RPS6KA5: variants seen among roughly 807,000 people sequenced by gnomAD.
The protein encoded by RPS6KA5 is ribosomal protein S6 kinase A5.
In RPS6KA5, 27 loss-of-function variants were observed where a neutral mutation model predicts 85.5. That is an observed-to-expected ratio of 0.32 (90% CI 0.23 to 0.44). The LOEUF (loss-of-function observed/expected upper bound fraction) is 0.44. Among genes scored for constraint, RPS6KA5 ranks in the 20% least tolerant of loss-of-function variants. The pLI is 1.00. For synonymous variants in RPS6KA5, 334 were observed against 348.2 expected, an observed-to-expected ratio of 0.96 and a Z score of 0.46; for missense variants, 811 against 980.9, an observed-to-expected ratio of 0.83 and a Z score of 2.31.
chr14:90,983,823 C>CTG (rs1370649906), intron 2 of RPS6KA5, among the ~76,000 whole-genome samples: 1 of 138,148 alleles, frequency 7.2e-6, no homozygotes. Flanking sequence ...CTCTGTCTCT[C>CTG]TCTCTCTCTC....
rs576519651 is a variant in RPS6KA5, at chr14:90,884,116, T to C, written c.1836+6371A>G. Among the ~76,000 whole-genome samples the C allele has an allele frequency of 4.6e-5, 7 of 152,312 alleles. No individual in the cohort carries two copies. The South Asian group carries it at 1.2e-3, about 27-fold the overall frequency. Reference sequence around the variant, plus strand: ...GACCACTGCCCTCTTTGCACCTCTATAGTGAGAAGCAGCAATTATAGCAAT... The same window carrying C: ...GACCACTGCCCTCTTTGCACCTCTACAGTGAGAAGCAGCAATTATAGCAAT... On this transcript the variant is annotated intron_variant, in intron 14 of 16. Coordinates refer to ENST00000614987, the MANE Select transcript of RPS6KA5 (RefSeq NM_004755.4).
At chr14:90,930,008 C>CT (rs1273467585) in intron 5 of RPS6KA5, among the ~76,000 whole-genome samples, 1 of 152,094 alleles carries the variant, frequency 6.6e-6, no homozygotes, top group East Asian at 1.9e-4. Context: ...GCAGCTGGGA[C>CT]TAAAGGCATG....
chr14:90,894,107 C>G, intron 13 of RPS6KA5: 1 of 1,006,230 alleles, frequency 9.9e-7, no homozygotes, highest in Non-Finnish European at 1.2e-6. Context: ...TTATTTTCTG[C>G]TATAAAAATT....
At chr14:91,055,294 G>T (rs75749557) in intron 1 of RPS6KA5, among the ~76,000 whole-genome samples, 2,246 of 152,248 alleles carry the variant, frequency 0.015, 56 homozygotes, top group African/African-American at 0.051. Flanking sequence ...ATACCCAAGA[G>T]AAATAAACAT....
In RPS6KA5 at chr14:91,059,894, A is replaced by AC. The variant is rs527296813; in HGVS notation, c.103+437dup. On this transcript the variant is annotated intron_variant, in intron 1 of 16. Coordinates refer to ENST00000614987, the MANE Select transcript of RPS6KA5 (RefSeq NM_004755.4). Reference sequence around the variant, plus strand: ...GATGGCTCCACAGAGCCCCACCGGGACCCCCCATCGCGGGGACCAGAGGGG... The same window carrying AC: ...GATGGCTCCACAGAGCCCCACCGGGACCCCCCCATCGCGGGGACCAGAGGGG... 1.7e-3 allele frequency: 581 copies of AC among 334,242 alleles called. 3 individuals are homozygous for AC. The highest frequency in any genetic ancestry group is 0.012 in the African/African-American group (532 of 44,786). The allele number at this position is 334,242 out of a possible 1,614,324, so 20.7% of individuals were successfully genotyped here. A position where few individuals can be genotyped will look rare whatever the true frequency, so the allele number is the denominator to read the frequency against.
At chr14:90,969,799 T>C (rs577613811) in intron 3 of RPS6KA5, among the ~76,000 whole-genome samples, 117 of 152,308 alleles carry the variant, frequency 7.7e-4, no homozygotes, top group Admixed American at 3.3e-3. Flanking sequence ...GGTGGCACCT[T>C]CCAAAGAGCT....
intron 5 of RPS6KA5, among the ~76,000 whole-genome samples, chr14:90,935,162 A>G (rs924423216): frequency 6.6e-6 from 1 of 152,220 alleles, no homozygotes; most frequent in African/African-American, 2.4e-5. Flanking sequence ...CTGATTCTCA[A>G]TGCAAACACG....
intron 3 of RPS6KA5, among the ~76,000 whole-genome samples, chr14:90,957,561 C>T (rs1189525679): frequency 1.3e-5 from 2 of 152,180 alleles, no homozygotes; most frequent in Admixed American, 6.5e-5. Context: ...GCTGGTATTA[C>T]ACCCAGCTGT....
At chr14:90,977,459 A>G (rs2039616084) in intron 3 of RPS6KA5, among the ~76,000 whole-genome samples, 1 of 152,228 alleles carries the variant, frequency 6.6e-6, no homozygotes, top group South Asian at 2.1e-4. Flanking sequence ...TGAGAAAGGA[A>G]TGGATTCAGA....
chr14:90,877,674 A>C (rs2140150061), intron 14 of RPS6KA5, among the ~76,000 whole-genome samples: 1 of 152,026 alleles, frequency 6.6e-6, no homozygotes, highest in East Asian at 1.9e-4. Context: ...GGGACTTTCC[A>C]CATGCTGTTT....
At chr14:90,882,350 A>G (rs2033897908) in intron 14 of RPS6KA5, among the ~76,000 whole-genome samples, 2 of 152,258 alleles carry the variant, frequency 1.3e-5, no homozygotes, top group Non-Finnish European at 2.9e-5. Context: ...CAAACCGATA[A>G]TTCTTTTAAA....
chr14:91,001,228 T>C (rs1464383713), intron 1 of RPS6KA5, 69 bp from the exon 2 acceptor site: 6 of 920,288 alleles, frequency 6.5e-6, no homozygotes, highest in African/African-American at 3.4e-5. Context: ...GGGGGATTCT[T>C]GTGTACCAGC....
chr14:91,021,045 T>C (rs543102222), intron 1 of RPS6KA5, among the ~76,000 whole-genome samples: 1 of 152,246 alleles, frequency 6.6e-6, no homozygotes, highest in African/African-American at 2.4e-5. Flanking sequence ...GTCCAGTTTA[T>C]CCACTGTATA....
chr14:90,917,372 T>G (rs547101376), intron 7 of RPS6KA5, among the ~76,000 whole-genome samples: 2 of 152,218 alleles, frequency 1.3e-5, no homozygotes, highest in Admixed American at 6.5e-5. Flanking sequence ...TGAAGTACAA[T>G]TGACGTACAA....
At chr14:91,004,347 AG>A (rs1285674614) in intron 1 of RPS6KA5, among the ~76,000 whole-genome samples, 5 of 151,930 alleles carry the variant, frequency 3.3e-5, no homozygotes, top group African/African-American at 1.2e-4. Context: ...CTGGGATTAC[AG>A]GCGTGAGCCA....
At chr14:91,028,676 G>A (rs527850312) in intron 1 of RPS6KA5, among the ~76,000 whole-genome samples, 9 of 151,894 alleles carry the variant, frequency 5.9e-5, no homozygotes, top group Admixed American at 2.0e-4. Context: ...CCACCACCGC[G>A]CCCTGCTAAT....
intron 1 of RPS6KA5, among the ~76,000 whole-genome samples, chr14:91,029,550 T>C (rs1188910577): frequency 6.6e-6 from 1 of 152,232 alleles, no homozygotes; most frequent in Non-Finnish European, 1.5e-5. Flanking sequence ...TCTCATTGCA[T>C]AGGACCCATT....
rs2037660721 is a variant in RPS6KA5, at chr14:90,943,071, T to C, written c.618+7A>G. The C allele has an allele frequency of 6.7e-7, 1 of 1,487,788 alleles. No individual in the cohort carries two copies. The highest frequency in any genetic ancestry group is 1.4e-5 in the African/African-American group (1 of 72,424). The allele number at this position is 1,487,788 out of a possible 1,614,324, so 92.2% of individuals were successfully genotyped here. A position where few individuals can be genotyped will look rare whatever the true frequency, so the allele number is the denominator to read the frequency against. ...TTATTACTAACTTCAAATTAAAATA[T>C]ACTCACTTCATCAGCCACAAACTCC... On this transcript the variant is annotated splice_region_variant and intron_variant, in intron 5 of 16. Transcript: ENST00000614987.
intron 1 of RPS6KA5, among the ~76,000 whole-genome samples, chr14:91,040,836 T>C (rs1033932724): frequency 2.0e-5 from 3 of 152,068 alleles, no homozygotes; most frequent in Admixed American, 6.6e-5. Context: ...CTACAGAAAT[T>C]AGGTTAGATT....
Sources: gnomAD v4.1 joint callset for allele counts (sites outside exome capture counted in the v4.1 genomes callset) on GRCh38, gnomAD v4.1.1 for gene constraint, MANE v1.5 for transcripts, NCBI Gene and HGNC (gene_info 2026-07-23, HGNC 2026-07-21) for gene names.